GPR137B: variants seen among roughly 807,000 people sequenced by gnomAD.
GPR137B encodes G protein-coupled receptor 137B.
GPR137B carries 42 observed loss-of-function variants against 42.5 expected under a neutral mutation model. The observed-to-expected ratio is 0.99, with a 90% confidence interval of 0.77 to 1.28. The LOEUF is 1.28. Among genes scored for constraint, GPR137B ranks in the 50% most tolerant of loss-of-function variants. The pLI is 0.00. For synonymous variants in GPR137B, 218 were observed against 209.7 expected (o/e 1.04, Z -0.34); for missense variants, 487 against 493.9 (o/e 0.99, Z 0.13).
In GPR137B at chr1:236,155,415, C is replaced by T. The variant is rs1437849357; in HGVS notation, c.414+12379C>T. Reference sequence around the variant, plus strand: ...GGTTCCTGAGGGTTGACCAGCCTCACCCCTGAATCCAGGTGCTCAGGGGAC... The same window carrying T: ...GGTTCCTGAGGGTTGACCAGCCTCATCCCTGAATCCAGGTGCTCAGGGGAC... On this transcript the variant is annotated intron_variant, in intron 1 of 6. Transcript: ENST00000366592. The surrounding 1 kb of genome is among the most constrained non-coding windows in gnomAD (Gnocchi z 4.6). 6.6e-6 allele frequency among the ~76,000 whole-genome samples: 1 copy of T among 152,214 alleles called. No individual in the cohort carries two copies. The highest frequency in any genetic ancestry group is 1.5e-5 in the Non-Finnish European group (1 of 68,040).
In GPR137B at chr1:236,208,033, ATTT is replaced by A; in HGVS notation, c.1092-12_1092-10del. The A allele has an allele frequency of 6.3e-7, 1 of 1,582,792 alleles. No homozygotes were observed. The highest frequency in any genetic ancestry group is 2.2e-5 in the East Asian group (1 of 44,666). On this transcript the variant is annotated splice_polypyrimidine_tract_variant and intron_variant, in intron 6 of 6. Coordinates refer to ENST00000366592, the MANE Select transcript of GPR137B (RefSeq NM_003272.4). ...ATATAATGTTTCAAGTCACTGAAAT[ATTT>A]TTTTCTTTTTAAGTTTTGCTCCAGA...
chr1:236,205,050 A>C, intron 5 of GPR137B, 76 bp from the exon 6 acceptor site: 2 of 1,236,590 alleles, frequency 1.6e-6, no homozygotes, highest in Non-Finnish European at 2.3e-6. Context: ...AGTCTCCTAC[A>C]AGAAAGAGAT....
At chr1:236,151,211 C>G (rs926824159) in intron 1 of GPR137B, among the ~76,000 whole-genome samples, 1 of 152,108 alleles carries the variant, frequency 6.6e-6, no homozygotes, top group East Asian at 1.9e-4. Flanking sequence ...TAGACAGTAC[C>G]TGGGACAACA....
chr1:236,202,367 T>C (rs1663516811), intron 5 of GPR137B, among the ~76,000 whole-genome samples: 1 of 152,084 alleles, frequency 6.6e-6, no homozygotes, highest in African/African-American at 2.4e-5. Context: ...CCTGAGGTGG[T>C]TGGCCTCCAG....
At chr1:236,203,403 C>T (rs918749892) in intron 5 of GPR137B, among the ~76,000 whole-genome samples, 3 of 152,104 alleles carry the variant, frequency 2.0e-5, no homozygotes, top group Admixed American at 1.3e-4. Flanking sequence ...ATACCAGTAC[C>T]ATGCTGTTTT....
At chr1:236,199,959 G>A (rs1663447436) in intron 5 of GPR137B, among the ~76,000 whole-genome samples, 1 of 151,794 alleles carries the variant, frequency 6.6e-6, no homozygotes, top group Non-Finnish European at 1.5e-5. Flanking sequence ...TTCTATTTGT[G>A]CTCTTCCAGA....
intron 1 of GPR137B, among the ~76,000 whole-genome samples, chr1:236,153,809 T>C (rs1661938553): frequency 6.6e-6 from 1 of 152,260 alleles, no homozygotes; most frequent in African/African-American, 2.4e-5. Context: ...CTAGGATACA[T>C]GCTTTAAAAA....
chr1:236,176,888 G>A (rs997797829), intron 2 of GPR137B, among the ~76,000 whole-genome samples: 6 of 152,234 alleles, frequency 3.9e-5, no homozygotes, highest in Admixed American at 6.5e-5. Context: ...ATGGTCACCC[G>A]TCTGTTTTGT....
At chr1:236,148,629 G>A (rs369163854) in intron 1 of GPR137B, among the ~76,000 whole-genome samples, 2 of 152,146 alleles carry the variant, frequency 1.3e-5, no homozygotes, top group Non-Finnish European at 2.9e-5. Flanking sequence ...TCGGGGTCTG[G>A]TCTGTTCTGT....
chr1:236,164,476 G>C (rs1662289897), intron 1 of GPR137B, among the ~76,000 whole-genome samples: 1 of 152,194 alleles, frequency 6.6e-6, no homozygotes. Flanking sequence ...CAAGGTCAGT[G>C]GGAGCCAGTG....
intron 1 of GPR137B, among the ~76,000 whole-genome samples, chr1:236,147,172 C>T (rs1356326661): frequency 6.6e-6 from 1 of 152,228 alleles, no homozygotes; most frequent in African/African-American, 2.4e-5. Flanking sequence ...CAAGGCCAGC[C>T]AGGCTTCGAG....
intron 5 of GPR137B, among the ~76,000 whole-genome samples, chr1:236,192,746 G>A (rs1187793647): frequency 6.6e-6 from 1 of 152,086 alleles, no homozygotes; most frequent in Non-Finnish European, 1.5e-5. Flanking sequence ...CTTCTGTGTC[G>A]ATCTCGCTGG....
At chr1:236,159,352 A>G (rs182354395) in intron 1 of GPR137B, among the ~76,000 whole-genome samples, 2 of 152,142 alleles carry the variant, frequency 1.3e-5, no homozygotes, top group South Asian at 2.1e-4. Flanking sequence ...TAAGACAGCA[A>G]ATGTCAACTT....
At chr1:236,162,114 C>T (rs189934525) in intron 1 of GPR137B, among the ~76,000 whole-genome samples, 54 of 152,254 alleles carry the variant, frequency 3.5e-4, no homozygotes, top group Non-Finnish European at 5.6e-4. Flanking sequence ...TCAATAAAAT[C>T]CAGGCTGAGG....
intron 5 of GPR137B, among the ~76,000 whole-genome samples, chr1:236,186,275 A>AT (rs2102915904): frequency 5.7e-5 from 2 of 35,346 alleles, no homozygotes; most frequent in South Asian, 6.8e-4. Context: ...TATATTATAT[A>AT]TAATAATATA....
At chr1:236,181,829 G>T (rs1489069147) in intron 4 of GPR137B, among the ~76,000 whole-genome samples, 2 of 150,490 alleles carry the variant, frequency 1.3e-5, no homozygotes. Flanking sequence ...TGATTAATTA[G>T]AGACAATCAT....
chr1:236,153,198 G>A (rs190517476), intron 1 of GPR137B, among the ~76,000 whole-genome samples: 76 of 152,172 alleles, frequency 5.0e-4, no homozygotes, highest in African/African-American at 1.7e-3. Flanking sequence ...ACAGTATTGC[G>A]CAGCTGTCAC....
intron 1 of GPR137B, among the ~76,000 whole-genome samples, chr1:236,149,848 G>A (rs1002189493): frequency 2.0e-5 from 3 of 152,260 alleles, no homozygotes; most frequent in South Asian, 2.1e-4. Context: ...CTAGGTGTGC[G>A]CCTTTGTATG....
At chr1:236,148,689 G>A (rs1215488215) in intron 1 of GPR137B, among the ~76,000 whole-genome samples, 1 of 152,218 alleles carries the variant, frequency 6.6e-6, no homozygotes, top group Non-Finnish European at 1.5e-5. Flanking sequence ...CTGCAGCAGG[G>A]ATGGTTCGTG....
Sources: gnomAD v4.1 joint callset for allele counts (sites outside exome capture counted in the v4.1 genomes callset) on GRCh38, gnomAD v4.1.1 for gene constraint, Gnocchi (gnomAD v3.1) non-coding constraint, MANE v1.5 for transcripts, NCBI Gene and HGNC (gene_info 2026-07-23, HGNC 2026-07-21) for gene names.